MTX2: variants seen among roughly 807,000 people sequenced by gnomAD.
MTX2 encodes metaxin 2, also known as metaxin-2.
In MTX2, 35 loss-of-function variants were observed where a neutral mutation model predicts 42.3. The ratio of observed to expected loss-of-function variants is 0.83; its 90% CI spans 0.63 to 1.10. The LOEUF (loss-of-function observed/expected upper bound fraction) is 1.10. Among genes scored for constraint, MTX2 ranks in the 50% least tolerant of loss-of-function variants. MTX2 has a pLI of 0.00. For missense variants in MTX2, 307 were observed against 304.1 expected, an observed-to-expected ratio of 1.01 and a Z score of -0.07; for synonymous variants, 119 against 100.9, an observed-to-expected ratio of 1.18 and a Z score of -1.08.
chr2:176,330,398 T>A (rs1454443840), intron 8 of MTX2, among the ~76,000 whole-genome samples, 186 bp from the exon 9 acceptor site: 6 of 149,672 alleles, frequency 4.0e-5, no homozygotes, highest in Non-Finnish European at 4.5e-5. Flanking sequence ...AAGTATTTCT[T>A]ATAAGTATTT....
In MTX2 at chr2:176,316,893, C is replaced by T. The variant is rs536830219; in HGVS notation, c.136-6499C>T. Among the ~76,000 whole-genome samples the T allele has an allele frequency of 2.0e-5, 3 of 151,850 alleles. No individual in the cohort carries two copies. In the South Asian group the frequency reaches 6.2e-4, roughly 32 times the overall value. Reference sequence around the variant, plus strand: ...ATATGTTCATATTATGTATTTATAGCAATAACATTTCTAGTTCAAAGGATA... The same window carrying T: ...ATATGTTCATATTATGTATTTATAGTAATAACATTTCTAGTTCAAAGGATA... On this transcript the variant is annotated intron_variant, in intron 3 of 9. Coordinates refer to ENST00000249442, the MANE Select transcript of MTX2 (RefSeq NM_006554.5).
chr2:176,329,882 C>T lies in MTX2; in HGVS notation c.543+456C>T, dbSNP rs570824159. On this transcript the variant is annotated intron_variant, in intron 8 of 9. Coordinates refer to ENST00000249442, the MANE Select transcript of MTX2 (RefSeq NM_006554.5). ...GCCCTGTTAAATACAGTACTTTGTC[C>T]GTCTGTCTGTCTATCTATCTGTCTA... is the stretch of plus-strand genomic sequence containing the variant. 8.7e-3 allele frequency among the ~76,000 whole-genome samples: 1,298 copies of T among 148,942 alleles called. 19 individuals are homozygous for T. Among genetic ancestry groups the T allele is most frequent in the African/African-American group, 0.031 (1,249 of 40,766 alleles).
chr2:176,277,834 TA>T (rs886788224), intron 1 of MTX2, among the ~76,000 whole-genome samples: 86 of 149,042 alleles, frequency 5.8e-4, no homozygotes, highest in African/African-American at 1.8e-3. Context: ...TTAAGAGAAT[TA>T]AAAAAAAAAC....
rs200746387 is a variant in MTX2 at position 176,317,563 on chromosome 2, G to GATA, written c.136-5827_136-5826insAAT. ...TGACATGTGGATGTCACTGTAGATT[G>GATA]ATTATATATTGAGAGGTCATTTTTG... On this transcript the variant is annotated intron_variant, in intron 3 of 9. Transcript: ENST00000249442. 6.3e-3 allele frequency among the ~76,000 whole-genome samples: 954 copies of GATA among 152,208 alleles called. 11 individuals are homozygous for GATA. The highest frequency in any genetic ancestry group is 0.022 in the African/African-American group (896 of 41,524).
intron 1 of MTX2, chr2:176,270,499 A>G: frequency 9.6e-7 from 1 of 1,044,268 alleles, no homozygotes; most frequent in Admixed American, 2.2e-5. Flanking sequence ...AGGAGACTAA[A>G]CATAGGTACT....
chr2:176,283,421 C>G (rs1362273338), intron 1 of MTX2, among the ~76,000 whole-genome samples: 2 of 152,120 alleles, frequency 1.3e-5, no homozygotes, highest in East Asian at 1.9e-4. Context: ...CTACTGTGTT[C>G]TCATACTCTT....
chr2:176,325,578 A>G lies in MTX2; in HGVS notation c.209-1247A>G, dbSNP rs185127146. Among the ~76,000 whole-genome samples the G allele has an allele frequency of 9.2e-5, 14 of 151,916 alleles. No individual in the cohort carries two copies. In the East Asian group the frequency reaches 2.5e-3, roughly 27 times the overall value. The stretch of plus-strand genomic sequence containing the variant: ...TCCAAGAACCTGAAACTGGTCATTA[A>G]AAACAAGGAATATGCTTTGCTCTAA... On this transcript the variant is annotated intron_variant, in intron 4 of 9. Transcript: ENST00000249442.
intron 3 of MTX2, among the ~76,000 whole-genome samples, chr2:176,305,485 T>G: frequency 6.6e-6 from 1 of 152,172 alleles, no homozygotes; most frequent in East Asian, 1.9e-4. Context: ...TAACTCTTGC[T>G]TAATTTTGAC....
At chr2:176,271,395 C>T (rs1692802828) in intron 1 of MTX2, among the ~76,000 whole-genome samples, 1 of 152,082 alleles carries the variant, frequency 6.6e-6, no homozygotes, top group Non-Finnish European at 1.5e-5. Context: ...AAGAAATTGG[C>T]AGATTTGATT....
intron 1 of MTX2, among the ~76,000 whole-genome samples, chr2:176,279,084 A>G (rs1209635419): frequency 1.3e-5 from 2 of 152,188 alleles, no homozygotes; most frequent in African/African-American, 4.8e-5. Flanking sequence ...AAACCATAAA[A>G]TGCATTTCAC....
rs201433289 is a variant in MTX2 at position 176,321,986 on chromosome 2, G to GA, written c.136-1396dup. Among the ~76,000 whole-genome samples the GA allele has an allele frequency of 5.0e-3, 738 of 148,630 alleles. 10 individuals carry two copies. The highest frequency in any genetic ancestry group is 0.017 in the African/African-American group (690 of 40,546). ...AGATTGGGGGAAGGAGAACAGAATT[G>GA]AAAAAAAAAATTAAAAATCTCCCCC... On this transcript the variant is annotated intron_variant, in intron 3 of 9. Transcript: ENST00000249442.
Position 176,337,689 on chromosome 2 carries a change from T to C in MTX2, c.*25T>C. 6.6e-7 allele frequency: 1 copy of C among 1,506,028 alleles called. No individual in the cohort carries two copies. The highest frequency in any genetic ancestry group is 8.9e-7 in the Non-Finnish European group (1 of 1,123,538). 93.3% of individuals were successfully genotyped at this position (1,506,028 alleles called of 1,614,324 possible). ...GAGTTATGTGTTAGTCTCAGGAGTC[T>C]TAACTTTTGAAATATGTTTTACTTG... is the stretch of plus-strand genomic sequence containing the variant. On this transcript the variant is annotated 3_prime_UTR_variant, in exon 10 of 10. Coordinates refer to ENST00000249442, the MANE Select transcript of MTX2 (RefSeq NM_006554.5).
At position 176,337,570 on chromosome 2, in the gene MTX2, C is replaced by T; in HGVS notation, c.698C>T (p.Ser233Phe). Residue 233 changes from serine to phenylalanine, a missense_variant, in exon 10 of 10, where the codon TCT becomes TTT. By Grantham distance (155) the Ser-to-Phe change is radical (BLOSUM62 -2). Coordinates refer to ENST00000249442, the MANE Select transcript of MTX2 (RefSeq NM_006554.5). ...LTTQLTNDEL[S>F]EKVKNYSNLL... Reference sequence around the variant, plus strand: ...ACACAATTGACAAATGATGAACTTTCTGAGAAGGTGAAAAACTATAGCAAC... The same window carrying T: ...ACACAATTGACAAATGATGAACTTTTTGAGAAGGTGAAAAACTATAGCAAC... The T allele has an allele frequency of 1.2e-6, 2 of 1,613,410 alleles. No individual in the cohort carries two copies. Among genetic ancestry groups the T allele is most frequent in the Non-Finnish European group, 1.7e-6 (2 of 1,179,544 alleles).
In MTX2 at chr2:176,288,199, AATAT is replaced by A. The variant is rs1179485486; in HGVS notation, c.41-8657_41-8654del. On this transcript the variant is annotated intron_variant, in intron 1 of 9. Transcript: ENST00000249442. ...TGCAGGTTGAATTGCTTTCGAATTT[AATAT>A]ATAGCCCTTAAAATTTCAGTTTTGA... Among the ~76,000 whole-genome samples, 3 of 152,092 alleles carry A rather than the reference AATAT, an allele frequency of 2.0e-5. No individual in the cohort carries two copies. In the South Asian group the frequency reaches 6.2e-4, roughly 32 times the overall value.
chr2:176,299,001 C>G (rs1683960687), intron 3 of MTX2, among the ~76,000 whole-genome samples: 1 of 152,046 alleles, frequency 6.6e-6, no homozygotes, highest in African/African-American at 2.4e-5. Context: ...CCTAAAACTA[C>G]ATAATACTAG....
chr2:176,300,415 G>A (rs1263682129), intron 3 of MTX2, among the ~76,000 whole-genome samples: 2 of 151,960 alleles, frequency 1.3e-5, no homozygotes, highest in East Asian at 3.9e-4. Context: ...TATTATTTTA[G>A]TATGTAACCA....
chr2:176,309,137 A>G (rs1441492878), intron 3 of MTX2, among the ~76,000 whole-genome samples: 6 of 152,046 alleles, frequency 3.9e-5, no homozygotes, highest in African/African-American at 7.2e-5. Flanking sequence ...TTCTGCCTTC[A>G]TTTCGTTATT....
At chr2:176,306,819 A>C (rs1436084483) in intron 3 of MTX2, among the ~76,000 whole-genome samples, 1 of 151,750 alleles carries the variant, frequency 6.6e-6, no homozygotes, top group African/African-American at 2.4e-5. Context: ...CCTTTGTCGG[A>C]TGGGTAGTTT....
chr2:176,322,962 A>G (rs1454646749), intron 3 of MTX2, among the ~76,000 whole-genome samples: 1 of 151,874 alleles, frequency 6.6e-6, no homozygotes, highest in Non-Finnish European at 1.5e-5. Flanking sequence ...CAGAGATAGT[A>G]TTTTGAGTTT....
Sources: gnomAD v4.1 joint callset for allele counts (sites outside exome capture counted in the v4.1 genomes callset) on GRCh38, gnomAD v4.1.1 for gene constraint, MANE v1.5 for transcripts, NCBI Gene and HGNC (gene_info 2026-07-23, HGNC 2026-07-21) for gene names.